The following RBPJ variants were observed in gnomAD, a reference collection of about 807,000 sequenced individuals.
The protein encoded by RBPJ is recombination signal binding protein for immunoglobulin kappa J region.
RBPJ carries 9 observed loss-of-function variants against 67.8 expected under a neutral mutation model. The observed-to-expected ratio is 0.13, with a 90% CI of 0.08 to 0.23. RBPJ has a LOEUF of 0.23. Among genes scored for constraint, RBPJ ranks in the 10% least tolerant of loss-of-function variants. RBPJ has a pLI of 1.00. For synonymous variants in RBPJ, 198 were observed against 203.3 expected (o/e 0.97, Z 0.22); for missense variants, 305 against 595.6 (o/e 0.51, Z 5.08).
chr4:26,397,246 G>A (rs1036948159), intron 2 of RBPJ, among the ~76,000 whole-genome samples: 4 of 152,220 alleles, frequency 2.6e-5, no homozygotes, highest in African/African-American at 9.6e-5. Flanking sequence ...CTGAGGCAGT[G>A]TAAAAGGCGA....
intron 1 of RBPJ, among the ~76,000 whole-genome samples, chr4:26,215,608 G>A (rs369656762): frequency 3.3e-5 from 5 of 152,084 alleles, no homozygotes; most frequent in African/African-American, 4.8e-5. Flanking sequence ...CGATTTTGCC[G>A]CAAGAATATT....
At chr4:26,160,094 AT>A (rs1263521857), upstream of RBPJ, among the ~76,000 whole-genome samples, 1 of 151,408 alleles carries the variant, frequency 6.6e-6, no homozygotes, top group African/African-American at 2.4e-5. Flanking sequence ...AATTTTTTGT[AT>A]TTTTAGTAGA....
intron 1 of RBPJ, among the ~76,000 whole-genome samples, chr4:26,287,029 C>T (rs1045298406): frequency 6.6e-6 from 1 of 152,086 alleles, no homozygotes; most frequent in Non-Finnish European, 1.5e-5. Flanking sequence ...TCAGGTGATC[C>T]GCCCACCTCG....
At chr4:26,180,323 A>G (rs1417487893) in intron 1 of RBPJ, among the ~76,000 whole-genome samples, 1 of 102,082 alleles carries the variant, frequency 9.8e-6, no homozygotes, top group Non-Finnish European at 1.9e-5. Flanking sequence ...TTGAACCTAA[A>G]ATAAAGGTTA....
chr4:26,120,714 C>CTTTTTTT, the RBPJ span, among the ~76,000 whole-genome samples: 13 of 83,030 alleles, frequency 1.6e-4, 1 homozygote, highest in South Asian at 5.2e-4. Flanking sequence ...ATTTTCTCAA[C>CTTTTTTT]TTTTTTTTTT....
the RBPJ span, among the ~76,000 whole-genome samples, chr4:26,136,801 T>C: frequency 6.6e-6 from 1 of 152,212 alleles, no homozygotes; most frequent in Non-Finnish European, 1.5e-5. Flanking sequence ...TCTAACTTCC[T>C]TATTTATCTT....
chr4:26,113,356 G>A, the RBPJ span: 1 of 542,092 alleles, frequency 1.8e-6, no homozygotes, highest in Admixed American at 2.0e-5. Context: ...CCTTGTGGGA[G>A]AAGTCAAACT....
chr4:26,263,044 AC>A, intron 1 of RBPJ, among the ~76,000 whole-genome samples: 1 of 152,214 alleles, frequency 6.6e-6, no homozygotes, highest in Non-Finnish European at 1.5e-5. Context: ...CCACAATGAA[AC>A]CTTCCCAGTT....
chr4:26,378,994 C>G (rs111751342), intron 1 of RBPJ, among the ~76,000 whole-genome samples: 2,822 of 152,030 alleles, frequency 0.019, 100 homozygotes, highest in African/African-American at 0.064. Flanking sequence ...CCACTGCACT[C>G]TAGCATGGGC....
chr4:26,246,369 A>G (rs946457012), intron 1 of RBPJ, among the ~76,000 whole-genome samples: 5 of 152,194 alleles, frequency 3.3e-5, no homozygotes, highest in African/African-American at 1.2e-4. Flanking sequence ...CAGATTTTTC[A>G]TCACTAGAAA....
chr4:26,244,472 T>C (rs1165140062), intron 1 of RBPJ, among the ~76,000 whole-genome samples: 1 of 144,930 alleles, frequency 6.9e-6, no homozygotes, highest in Non-Finnish European at 1.5e-5. Context: ...TATATATGTA[T>C]ACATATGTGT....
At chr4:26,383,541 C>T (rs1730526195) in intron 1 of RBPJ, among the ~76,000 whole-genome samples, 1 of 152,202 alleles carries the variant, frequency 6.6e-6, no homozygotes, top group African/African-American at 2.4e-5. Context: ...TCATACCTCA[C>T]TTTGCCTCTC....
At chr4:26,191,202 T>TAA (rs1553847212) in intron 1 of RBPJ, among the ~76,000 whole-genome samples, 1 of 32,174 alleles carries the variant, frequency 3.1e-5, no homozygotes, top group East Asian at 1.5e-3. Context: ...TATATATATA[T>TAA]ATATATATAG....
chr4:26,343,140 G>A (rs1209525225), intron 1 of RBPJ: 1 of 152,198 alleles, frequency 6.6e-6, no homozygotes, highest in Non-Finnish European at 1.5e-5. Context: ...AATGAATTCT[G>A]TGTTTGTTAT....
chr4:26,130,583 C>T, the RBPJ span, among the ~76,000 whole-genome samples: 157 of 152,246 alleles, frequency 1.0e-3, 2 homozygotes, highest in African/African-American at 3.6e-3. Context: ...TGTTCTCTTT[C>T]TCACTCATTT....
rs562298068 is a variant in RBPJ at position 26,280,106 on chromosome 4, G to C, written c.-166-82340G>C. The stretch of plus-strand genomic sequence containing the variant: ...CCGACCAAAATTGTCTTTTAAGAGA[G>C]AGCCTTGGCCGGGCACGGTAGCTCA... On this transcript the variant is annotated intron_variant, in intron 1 of 4. Transcript: ENST00000512351. 4.0e-5 allele frequency among the ~76,000 whole-genome samples: 6 copies of C among 150,958 alleles called. No homozygotes were observed. The South Asian group carries it at 1.1e-3, about 27-fold the overall frequency.
intron 1 of RBPJ, among the ~76,000 whole-genome samples, chr4:26,299,222 C>T (rs1577403001): frequency 6.6e-6 from 1 of 152,136 alleles, no homozygotes; most frequent in African/African-American, 2.4e-5. Flanking sequence ...ATATCCTATG[C>T]GTTTCTCATT....
At chr4:26,165,072 CT>C (rs1314176691) in intron 1 of RBPJ, among the ~76,000 whole-genome samples, 1 of 151,848 alleles carries the variant, frequency 6.6e-6, no homozygotes, top group Non-Finnish European at 1.5e-5. Context: ...TTGAACTAGT[CT>C]TTATGTTTGT....
intron 1 of RBPJ, among the ~76,000 whole-genome samples, chr4:26,326,863 C>G (rs935268536): frequency 1.3e-5 from 2 of 152,134 alleles, no homozygotes; most frequent in African/African-American, 4.8e-5. Flanking sequence ...TTTTGTGGGT[C>G]ATGTTTTAGG....
Sources: gnomAD v4.1 joint callset for allele counts (sites outside exome capture counted in the v4.1 genomes callset) on GRCh38, gnomAD v4.1.1 for gene constraint, MANE v1.5 for transcripts, NCBI Gene and HGNC (gene_info 2026-07-23, HGNC 2026-07-21) for gene names.